Variants in KANK1 observed in about 807,000 individuals in gnomAD.
KANK1 encodes the protein KN motif and ankyrin repeat domain-containing protein 1.
A neutral mutation model predicts 106.2 loss-of-function variants in KANK1; 109 were observed. The observed-to-expected ratio is 1.03, with a 90% confidence interval of 0.88 to 1.20. The LOEUF is 1.20. KANK1 is among the 50% of genes most tolerant of loss of function. The pLI is 0.00. For synonymous variants in KANK1, 873 were observed against 652.2 expected, an observed-to-expected ratio of 1.34 and a Z score of -5.16; for missense variants, 2,399 against 1,710.7, an observed-to-expected ratio of 1.40 and a Z score of -7.10.
At chr9:643,763 G>C (rs1174573496) in intron 1 of KANK1, among the ~76,000 whole-genome samples, 1 of 150,082 alleles carries the variant, frequency 6.7e-6, no homozygotes, top group East Asian at 1.9e-4. Flanking sequence ...AGTGCAGTGG[G>C]ATGATCTTGG....
intron 3 of KANK1, among the ~76,000 whole-genome samples, chr9:481,429 T>C (rs2058201824): frequency 6.6e-6 from 1 of 152,094 alleles, no homozygotes; most frequent in South Asian, 2.1e-4. Flanking sequence ...CCTGCTGAGT[T>C]CTGTGATGTG....
At chr9:518,278 C>T (rs546777422) in intron 1 of KANK1, among the ~76,000 whole-genome samples, 1 of 151,670 alleles carries the variant, frequency 6.6e-6, no homozygotes, top group South Asian at 2.1e-4. Flanking sequence ...CTGTTGAGGC[C>T]CATCTGATTT....
chr9:671,809 A>C (rs1024553249), intron 1 of KANK1, among the ~76,000 whole-genome samples: 1 of 150,166 alleles, frequency 6.7e-6, no homozygotes, highest in Non-Finnish European at 1.5e-5. Flanking sequence ...TTAGCTGGGC[A>C]TGGTGGTACA....
At chr9:574,731 T>C (rs1820099215) in intron 1 of KANK1, among the ~76,000 whole-genome samples, 1 of 151,656 alleles carries the variant, frequency 6.6e-6, no homozygotes, top group South Asian at 2.1e-4. Context: ...GGCACGTGCC[T>C]GTGGTCCCAG....
chr9:499,264 GTTTA>G, intron 3 of KANK1, among the ~76,000 whole-genome samples: 1 of 151,932 alleles, frequency 6.6e-6, no homozygotes, highest in Admixed American at 6.6e-5. Context: ...AGGAAAACAT[GTTTA>G]TTCAAAAACA....
At chr9:639,017 A>G (rs1448346812) in intron 1 of KANK1, among the ~76,000 whole-genome samples, 3 of 152,180 alleles carry the variant, frequency 2.0e-5, no homozygotes, top group Admixed American at 1.3e-4. Context: ...CATAAAATGA[A>G]TAGTGCATAA....
intron 1 of KANK1, among the ~76,000 whole-genome samples, chr9:658,817 G>A (rs952998827): frequency 6.6e-6 from 1 of 151,976 alleles, no homozygotes; most frequent in African/African-American, 2.4e-5. Context: ...GTCTATTTCT[G>A]GGCTGTATGC....
intron 1 of KANK1, among the ~76,000 whole-genome samples, chr9:611,170 C>T (rs953119656): frequency 6.6e-6 from 1 of 152,120 alleles, no homozygotes; most frequent in Non-Finnish European, 1.5e-5. Flanking sequence ...TCAGAGATGT[C>T]GCTGTCAGCC....
chr9:473,725 G>A (rs1164284049), intron 3 of KANK1, among the ~76,000 whole-genome samples: 1 of 150,040 alleles, frequency 6.7e-6, no homozygotes, highest in South Asian at 2.1e-4. Flanking sequence ...TTTTGAGACA[G>A]AGTCTCTCTC....
intron 5 of KANK1, chr9:731,515 A>G (rs1178852399): frequency 6.4e-6 from 2 of 313,888 alleles, no homozygotes; most frequent in African/African-American, 4.3e-5. Context: ...TCTGATCTGA[A>G]AGAAATAGTC....
chr9:723,074 A>G (rs1268368041), intron 3 of KANK1, among the ~76,000 whole-genome samples: 1 of 152,190 alleles, frequency 6.6e-6, no homozygotes, highest in Admixed American at 6.5e-5. Context: ...AAGGATGGCG[A>G]ATTTCCAGAC....
chr9:710,491 C>T (rs1825653019), intron 2 of KANK1, among the ~76,000 whole-genome samples: 1 of 151,594 alleles, frequency 6.6e-6, no homozygotes, highest in Non-Finnish European at 1.5e-5. Context: ...GGTGGTGCAC[C>T]CCTGTAATCC....
At chr9:578,471 T>G (rs1821185999) in intron 1 of KANK1, among the ~76,000 whole-genome samples, 1 of 152,108 alleles carries the variant, frequency 6.6e-6, no homozygotes, top group Admixed American at 6.5e-5. Flanking sequence ...AGCCTTTTTT[T>G]TTTGTTGGGC....
chr9:502,247 T>G (rs1275400938), upstream of KANK1, among the ~76,000 whole-genome samples: 2 of 148,860 alleles, frequency 1.3e-5, no homozygotes, highest in Admixed American at 1.3e-4. Flanking sequence ...TGTCAATGTC[T>G]GGAATTAGTG....
chr9:514,190 C>T (rs1185490194), intron 1 of KANK1, among the ~76,000 whole-genome samples: 1 of 83,526 alleles, frequency 1.2e-5, no homozygotes, highest in Non-Finnish European at 2.1e-5. Flanking sequence ...CTCTCTCCCT[C>T]CCTTCCTCCC....
chr9:684,556 C>T, intron 2 of KANK1: 1 of 985,460 alleles, frequency 1.0e-6, no homozygotes, highest in Non-Finnish European at 1.2e-6. Context: ...CTCTGCTCTT[C>T]CTCAGCAGAC....
upstream of KANK1, among the ~76,000 whole-genome samples, chr9:502,577 G>A (rs1008145927): frequency 6.6e-6 from 1 of 150,880 alleles, no homozygotes; most frequent in Non-Finnish European, 1.5e-5. Flanking sequence ...AGGCCAAAGT[G>A]CAGTGGCATG....
In KANK1 at chr9:534,932, T is replaced by C. The variant is rs570202516; in HGVS notation, c.-84+30178T>C. 3.0e-4 allele frequency among the ~76,000 whole-genome samples: 46 copies of C among 152,306 alleles called. 1 individual carries two copies. Among genetic ancestry groups the C allele is most frequent in the African/African-American group, 1.1e-3 (45 of 41,580 alleles). ...TCCATGGATGGAGATGGGTGGAGGT[T>C]GGGCCGAGGGGAAGCTGAGGTAAGA... On this transcript the variant is annotated intron_variant, in intron 1 of 11. Coordinates refer to ENST00000382297, the MANE Select transcript of KANK1 (RefSeq NM_015158.5).
intron 1 of KANK1, among the ~76,000 whole-genome samples, chr9:663,806 G>A (rs1157842533): frequency 6.6e-6 from 1 of 152,194 alleles, no homozygotes; most frequent in Non-Finnish European, 1.5e-5. Context: ...CCTTGGCAGT[G>A]CAGCCCTTGT....
Sources: gnomAD v4.1 joint callset for allele counts (sites outside exome capture counted in the v4.1 genomes callset) on GRCh38, gnomAD v4.1.1 for gene constraint, MANE v1.5 for transcripts, NCBI Gene and HGNC (gene_info 2026-07-23, HGNC 2026-07-21) for gene names.